Variants in CATSPERG observed in about 807,000 individuals in gnomAD.
CATSPERG encodes the protein catsper channel auxiliary subunit gamma.
CATSPERG carries 115 observed loss-of-function variants against 145.0 expected under a neutral mutation model. The observed-to-expected ratio is 0.79, with a 90% CI of 0.68 to 0.93. The LOEUF is 0.93. Ranked by LOEUF, CATSPERG falls within the 40% of genes least tolerant of loss-of-function variation. The pLI is 0.00. For synonymous variants in CATSPERG, 588 were observed against 589.0 expected (o/e 1.00, Z 0.02); for missense variants, 1,296 against 1,490.1 (o/e 0.87, Z 2.14).
At chr19:38,336,173 A>G (rs1415436187) in intron 1 of CATSPERG, 3 of 455,644 alleles carry the variant, frequency 6.6e-6, no homozygotes, top group African/African-American at 6.0e-5. Flanking sequence ...GTGGGGCAAG[A>G]AGGTGTCGCG....
chr19:38,354,996 T>A (rs2145089651), intron 9 of CATSPERG, 149 bp downstream of exon 9: 1 of 914,000 alleles, frequency 1.1e-6, no homozygotes, highest in East Asian at 2.5e-5. Context: ...GGGATGCGTT[T>A]GTAGGGGTAG....
intron 11 of CATSPERG, 128 bp from the exon 12 acceptor site, chr19:38,358,150 T>G (rs1210638337): frequency 6.0e-6 from 5 of 836,920 alleles, no homozygotes; most frequent in Non-Finnish European, 7.7e-6. Flanking sequence ...CTCTAAGGAC[T>G]AGCAAACCCG....
Position 38,358,163 on chromosome 19 carries a change from T to C in CATSPERG, c.1316-115T>C, listed in dbSNP as rs1048476544. 31 of 960,006 alleles carry C rather than the reference T, an allele frequency of 3.2e-5. No homozygotes were observed. The Admixed American group carries it at 6.9e-4, about 21-fold the overall frequency. 59.5% of individuals were successfully genotyped at this position (960,006 alleles called of 1,614,324 possible). The stretch of plus-strand genomic sequence containing the variant: ...AACTCTAAGGACTAGCAAACCCGAG[T>C]GGGAAGCTCTTTGGAGGGTTTTACA... On this transcript the variant is annotated intron_variant, in intron 11 of 28. Coordinates refer to ENST00000409235, the MANE Select transcript of CATSPERG (RefSeq NM_021185.5).
At chr19:38,340,628 T>C (rs1393313965) in intron 3 of CATSPERG, among the ~76,000 whole-genome samples, 1 of 151,998 alleles carries the variant, frequency 6.6e-6, no homozygotes, top group Non-Finnish European at 1.5e-5. Flanking sequence ...CCAATAATTT[T>C]ATTTTTTTAG....
rs142157540 is a variant in CATSPERG at position 38,370,768 on chromosome 19, C to G, written c.3456C>G (p.Ala1152=). 3 of 1,613,826 alleles carry G rather than the reference C, an allele frequency of 1.9e-6. No individual in the cohort carries two copies. Among genetic ancestry groups the G allele is most frequent in the Non-Finnish European group, 1.7e-6 (2 of 1,179,976 alleles). ...AGGACAGGGCTGAACCCAAGGAAGC[C>G]GTGGAGAGACAGTTGATGACCTGAG... is the stretch of plus-strand genomic sequence containing the variant. ...MTEDRAEPKE[A]VERQLMT The change falls in exon 29 of 29, where the codon GCC becomes GCG. Residue 1152 remains alanine (A), a synonymous_variant. Transcript: ENST00000409235.
chr19:38,366,999 A>G, intron 22 of CATSPERG, 157 bp from the exon 23 acceptor site: 1 of 655,276 alleles, frequency 1.5e-6, no homozygotes, highest in Non-Finnish European at 2.6e-6. Flanking sequence ...AGGCCGTGTT[A>G]ATGATATTAA....
At chr19:38,366,878 G>T (rs1970459123) in intron 22 of CATSPERG, 1 of 381,128 alleles carries the variant, frequency 2.6e-6, no homozygotes, top group Non-Finnish European at 4.7e-6. Flanking sequence ...ATTTTTAGTA[G>T]AGACAGGGTT....
At chr19:38,363,536 A>G (rs1259745780) in intron 20 of CATSPERG, among the ~76,000 whole-genome samples, 1 of 142,276 alleles carries the variant, frequency 7.0e-6, no homozygotes, top group Non-Finnish European at 1.5e-5. Context: ...TGTTTCTAGG[A>G]CAATAGTGGA....
intron 14 of CATSPERG, 65 bp from the exon 15 acceptor site, chr19:38,360,424 G>A: frequency 1.3e-6 from 2 of 1,596,840 alleles, no homozygotes; most frequent in Non-Finnish European, 1.7e-6. Context: ...ACTGGGCAGA[G>A]GGTGAGGTGG....
At chr19:38,355,289 G>C (rs113702135) in intron 9 of CATSPERG, among the ~76,000 whole-genome samples, 1 of 152,078 alleles carries the variant, frequency 6.6e-6, no homozygotes, top group East Asian at 1.9e-4. Context: ...AGGTTGCAGT[G>C]AGCCGAGATT....
At position 38,343,705 on chromosome 19, in the gene CATSPERG, T is replaced by G; in HGVS notation, c.450T>G (p.Ala150=). Residue 150 remains alanine (A), a synonymous_variant, in exon 4 of 29, where the codon GCT becomes GCG. Transcript: ENST00000409235. Reference sequence around the variant, plus strand: ...AGCAGCTGCAGATCCAGATGGAGGCTGCCCCCTTCCGCAGCAAAGGTGGGC... The same window carrying G: ...AGCAGCTGCAGATCCAGATGGAGGCGGCCCCCTTCCGCAGCAAAGGTGGGC... ...KIEQLQIQME[A]APFRSKEPCM... 6.6e-7 allele frequency: 1 copy of G among 1,514,590 alleles called. No individual in the cohort carries two copies. The highest frequency in any genetic ancestry group is 2.7e-5 in the East Asian group (1 of 37,452). 93.8% of individuals were successfully genotyped at this position (1,514,590 alleles called of 1,614,324 possible). A position where few individuals can be genotyped will look rare whatever the true frequency, so the allele number is the denominator to read the frequency against.
Position 38,362,207 on chromosome 19 carries a change from CA to C in CATSPERG, c.2095-2del, listed in dbSNP as rs769308040. The C allele has an allele frequency of 2.6e-5, 41 of 1,589,382 alleles. No individual in the cohort carries two copies. The highest frequency in any genetic ancestry group is 5.4e-5 in the Admixed American group (3 of 55,842). On this transcript the variant is annotated splice_acceptor_variant, in intron 17 of 28. Coordinates refer to ENST00000409235, the MANE Select transcript of CATSPERG (RefSeq NM_021185.5). LOFTEE classifies it high-confidence loss of function. Reference sequence around the variant, plus strand: ...CCTTCACGGTGCCGGGCGATCCCTGCAGCCGTACGCGGACCCGGTGCACGAC... The same window carrying C: ...CCTTCACGGTGCCGGGCGATCCCTGCGCCGTACGCGGACCCGGTGCACGAC...
rs750475630 is a variant in CATSPERG at position 38,360,475 on chromosome 19, T to A, written c.1609-14T>A. On this transcript the variant is annotated splice_polypyrimidine_tract_variant and intron_variant, in intron 14 of 28. Transcript: ENST00000409235. ...TGGTCCTGACACACACACATCCGGC[T>A]GTCATACCCGCAGATCTGGTACCTC... 1 of 1,613,832 alleles carries A rather than the reference T, an allele frequency of 6.2e-7. No individual in the cohort carries two copies. The highest frequency in any genetic ancestry group is 8.5e-7 in the Non-Finnish European group (1 of 1,179,952).
At chr19:38,352,575 C>A (rs61179863) in intron 8 of CATSPERG, 143 bp downstream of exon 8, 1 of 755,264 alleles carries the variant, frequency 1.3e-6, no homozygotes, top group Non-Finnish European at 2.2e-6. Flanking sequence ...TTGCCCACCC[C>A]GAATGGGCCT....
chr19:38,365,619 T>C (rs1970434207), intron 22 of CATSPERG: 1 of 157,970 alleles, frequency 6.3e-6, no homozygotes, highest in Non-Finnish European at 1.4e-5. Flanking sequence ...ACCTTCCCAG[T>C]TGTGCAGGTT....
intron 26 of CATSPERG, chr19:38,369,570 T>C (rs1183013202): frequency 3.4e-6 from 1 of 293,958 alleles, no homozygotes; most frequent in East Asian, 8.6e-5. Context: ...CTAACCTGCA[T>C]TTATTGGATA....
rs1345497556 is a variant in CATSPERG, at chr19:38,360,645, C to T, written c.1765C>T (p.Gln589Ter). The T allele has an allele frequency of 2.5e-6, 4 of 1,614,126 alleles. No individual in the cohort carries two copies. The highest frequency in any genetic ancestry group is 2.7e-5 in the African/African-American group (2 of 74,948). The part of the protein sequence containing the change: ...TLFYEDSKLY[Q>*]LVYLMNNQKG... Reference sequence around the variant, plus strand: ...CTTCTACGAAGACAGCAAACTGTACCAGGTGCCCGGTGGAGCTATGCGGGG... The same window carrying T: ...CTTCTACGAAGACAGCAAACTGTACTAGGTGCCCGGTGGAGCTATGCGGGG... The change falls in exon 15 of 29, where the codon CAG becomes TAG. Residue 589 changes from glutamine (Q) to a stop codon, truncating the protein, a stop_gained and splice_region_variant. Coordinates refer to ENST00000409235, the MANE Select transcript of CATSPERG (RefSeq NM_021185.5). LOFTEE classifies it high-confidence loss of function.
chr19:38,370,243 C>G lies in CATSPERG; in HGVS notation c.3198C>G (p.Ala1066=). The G allele has an allele frequency of 6.2e-7, 1 of 1,613,442 alleles. No individual in the cohort carries two copies. Among genetic ancestry groups the G allele is most frequent in the Non-Finnish European group, 8.5e-7 (1 of 1,180,000 alleles). ...GGCTGCCACTCAGTCCCAAGCGGGC[C>G]CTTTTCATCATCATGGTGAGTGGCT... ...IHGLPLSPKR[A]LFIIMVSASV... The change falls in exon 28 of 29, where the codon GCC becomes GCG. Residue 1066 remains alanine (A), a synonymous_variant. Transcript: ENST00000409235.
At position 38,370,616 on chromosome 19, in the gene CATSPERG, C is replaced by A; in HGVS notation, c.3304C>A (p.Arg1102=). The A allele has an allele frequency of 6.2e-7, 1 of 1,614,130 alleles. No homozygotes were observed. The highest frequency in any genetic ancestry group is 8.5e-7 in the Non-Finnish European group (1 of 1,180,026). Residue 1102 remains arginine (R), a synonymous_variant, in exon 29 of 29, where the codon CGG becomes AGG. Transcript: ENST00000409235. ...PLVVKGCTMI[R]WKINNLIASE... is the part of the protein sequence containing the mutation. Reference sequence around the variant, plus strand: ...CGTGGTGAAGGGCTGCACGATGATCCGGTGGAAGATAAACAACCTCATTGC... The same window carrying A: ...CGTGGTGAAGGGCTGCACGATGATCAGGTGGAAGATAAACAACCTCATTGC...
Sources: allele counts gnomAD v4.1 joint callset (sites outside exome capture counted in the v4.1 genomes callset), GRCh38; gene constraint gnomAD v4.1.1; transcripts MANE v1.5; gene names NCBI Gene and HGNC (gene_info 2026-07-23, HGNC 2026-07-21).